PHF20: variants seen among roughly 807,000 people sequenced by gnomAD.
PHF20 encodes glioma-expressed antigen 2.
In PHF20, 23 loss-of-function variants were observed where a neutral mutation model predicts 113.5. The ratio of observed to expected loss-of-function variants is 0.20; its 90% confidence interval spans 0.15 to 0.29. PHF20 has a LOEUF of 0.29. PHF20 is among the 10% of genes least tolerant of loss of function. The pLI is 1.00. For synonymous variants in PHF20, 434 were observed against 457.3 expected, an observed-to-expected ratio of 0.95 and a Z score of 0.65; for missense variants, 943 against 1,219.6, an observed-to-expected ratio of 0.77 and a Z score of 3.38.
At chr20:35,806,214 G>A (rs901209909) in intron 2 of PHF20, among the ~76,000 whole-genome samples, 2 of 137,578 alleles carry the variant, frequency 1.5e-5, no homozygotes, top group African/African-American at 5.6e-5. Flanking sequence ...AGGCTGGGGT[G>A]TAGTGGTGCA....
intron 1 of PHF20, among the ~76,000 whole-genome samples, chr20:35,788,604 G>A (rs1180217954): frequency 6.6e-6 from 1 of 151,514 alleles, no homozygotes; most frequent in Non-Finnish European, 1.5e-5. Context: ...TTGAGACGTA[G>A]TCTCGCTCTG....
chr20:35,896,367 G>A (rs966150978), intron 9 of PHF20, among the ~76,000 whole-genome samples: 9 of 151,876 alleles, frequency 5.9e-5, no homozygotes, highest in Admixed American at 2.0e-4. Context: ...ATTGCATACC[G>A]AATTCCTAAT....
chr20:35,913,297 T>A lies in PHF20; in HGVS notation c.1610T>A (p.Val537Glu). Reference protein sequence around the residue: ...KNKEKKFKEFVRVKPKKKKKK... With the variant: ...KNKEKKFKEFERVKPKKKKKK... ...AAAGAGAAGAAATTCAAGGAGTTTGTGAGAGTGAAGCCAAAGAAGAAAAAG... is the reference window on the plus strand; with the variant it reads ...AAAGAGAAGAAATTCAAGGAGTTTGAGAGAGTGAAGCCAAAGAAGAAAAAG... Residue 537 changes from valine to glutamate, a missense_variant, in exon 11 of 18, where the codon GTG becomes GAG. Physicochemically the swap from Val to Glu is moderately radical, Grantham distance 121 (BLOSUM62 -2). Around this residue, in one of 3 missense-constraint regions of PHF20, gnomAD observed 592 missense variants for 787.2 expected, o/e 0.75. Coordinates refer to ENST00000374012, the MANE Select transcript of PHF20 (RefSeq NM_016436.5). 6.2e-7 allele frequency: 1 copy of A among 1,604,318 alleles called. No individual in the cohort carries two copies. The highest frequency in any genetic ancestry group is 8.5e-7 in the Non-Finnish European group (1 of 1,175,274).
intron 1 of PHF20, among the ~76,000 whole-genome samples, chr20:35,780,201 GC>G: frequency 6.7e-6 from 1 of 149,930 alleles, no homozygotes; most frequent in Non-Finnish European, 1.5e-5. Context: ...GAGGCACTTT[GC>G]CACCCTCACC....
At chr20:35,802,217 A>T (rs2041792673) in intron 2 of PHF20, among the ~76,000 whole-genome samples, 1 of 152,140 alleles carries the variant, frequency 6.6e-6, no homozygotes, top group Admixed American at 6.6e-5. Context: ...GAATCAAATG[A>T]TAGAATATGT....
chr20:35,917,289 T>A (rs768914607), intron 12 of PHF20, 195 bp from the exon 13 acceptor site: 31 of 686,330 alleles, frequency 4.5e-5, no homozygotes, highest in Non-Finnish European at 7.6e-5. Context: ...TTGAGTTCAC[T>A]GCCAGGCAGC....
chr20:35,913,450 G>T, intron 11 of PHF20, 103 bp downstream of exon 11: 1 of 787,996 alleles, frequency 1.3e-6, no homozygotes, highest in African/African-American at 1.7e-5. Context: ...AGCAGAGGAA[G>T]GACCAATAGT....
chr20:35,897,559 CTTTTTTTTTT>C (rs150122625), intron 9 of PHF20, among the ~76,000 whole-genome samples: 18 of 107,684 alleles, frequency 1.7e-4, no homozygotes, highest in African/African-American at 7.1e-4. Context: ...TTCTGGATCC[CTTTTTTTTTT>C]TTTTTTTTTT....
chr20:35,816,400 A>T (rs377203784), intron 2 of PHF20, among the ~76,000 whole-genome samples: 2 of 152,026 alleles, frequency 1.3e-5, no homozygotes, highest in Admixed American at 6.6e-5. Context: ...TGAAAAATGT[A>T]TATCTTACTC....
In PHF20 at chr20:35,858,282, G is replaced by T. The variant is rs764891087; in HGVS notation, c.341-20G>T. ...TCATGAAATTGTGAGTTAAAATCAT[G>T]ATATCTTCTTGAATTTTAGGTACTT... On this transcript the variant is annotated intron_variant, in intron 4 of 17. Coordinates refer to ENST00000374012, the MANE Select transcript of PHF20 (RefSeq NM_016436.5). The T allele has an allele frequency of 3.9e-6, 5 of 1,293,288 alleles. No individual in the cohort carries two copies. In the Admixed American group the frequency reaches 5.3e-5, roughly 14 times the overall value. The allele number at this position is 1,293,288 out of a possible 1,614,324, so 80.1% of individuals were successfully genotyped here.
chr20:35,805,360 A>G (rs943006148), intron 2 of PHF20, among the ~76,000 whole-genome samples: 15 of 121,432 alleles, frequency 1.2e-4, no homozygotes, highest in Non-Finnish European at 2.1e-4. Flanking sequence ...ATTTTTTATT[A>G]TTATTATTAT....
chr20:35,868,621 C>CA (rs1341610791), intron 6 of PHF20, among the ~76,000 whole-genome samples: 1 of 150,768 alleles, frequency 6.6e-6, no homozygotes, highest in Non-Finnish European at 1.5e-5. Flanking sequence ...AACAAGCAAG[C>CA]AAGCAAGCAA....
At chr20:35,895,497 A>G (rs1019189975) in intron 9 of PHF20, among the ~76,000 whole-genome samples, 2 of 152,156 alleles carry the variant, frequency 1.3e-5, no homozygotes, top group Non-Finnish European at 2.9e-5. Context: ...TGGCAAGTTT[A>G]TATGATTTAA....
At chr20:35,792,782 C>A (rs2041583143) in intron 1 of PHF20, among the ~76,000 whole-genome samples, 1 of 152,114 alleles carries the variant, frequency 6.6e-6, no homozygotes, top group South Asian at 2.1e-4. Context: ...CCACCATTGC[C>A]ATCACCAGTA....
chr20:35,818,851 T>C (rs2042120277), intron 2 of PHF20, among the ~76,000 whole-genome samples: 1 of 152,196 alleles, frequency 6.6e-6, no homozygotes, highest in South Asian at 2.1e-4. Context: ...TTCTAATTTT[T>C]AATCTACCAC....
At position 35,949,117 on chromosome 20, in the gene PHF20, G is replaced by A. The variant is rs2056134293; in HGVS notation, c.*1490G>A. On this transcript the variant is annotated 3_prime_UTR_variant, in exon 18 of 18. Coordinates refer to ENST00000374012, the MANE Select transcript of PHF20 (RefSeq NM_016436.5). The stretch of plus-strand genomic sequence containing the variant: ...TGATATATAATGAATTATAGGACAA[G>A]TATAAGCTGATCTGCTATAGCTGTC... 6.6e-6 allele frequency: 1 copy of A among 152,630 alleles called. No individual in the cohort carries two copies. Among genetic ancestry groups the A allele is most frequent in the East Asian group, 1.9e-4 (1 of 5,200 alleles). 9.5% of individuals were successfully genotyped at this position (152,630 alleles called of 1,614,324 possible). A position where few individuals can be genotyped will look rare whatever the true frequency, so the allele number is the denominator to read the frequency against.
Position 35,897,101 on chromosome 20 carries a change from A to G in PHF20, c.1283-2269A>G, listed in dbSNP as rs181947421. ...CAGGCTGGAGTGCAGTGGTACAGTC[A>G]TGGCTCACTGCAGCCTCAACCTGCT... On this transcript the variant is annotated intron_variant, in intron 9 of 17. Transcript: ENST00000374012. Among the ~76,000 whole-genome samples, 4 of 151,896 alleles carry G rather than the reference A, an allele frequency of 2.6e-5. No homozygotes were observed. In the East Asian group the frequency reaches 7.8e-4, roughly 30 times the overall value.
intron 1 of PHF20, among the ~76,000 whole-genome samples, chr20:35,800,634 G>T (rs572388392): frequency 2.0e-5 from 3 of 152,206 alleles, no homozygotes; most frequent in Non-Finnish European, 2.9e-5. Flanking sequence ...AGCTGGGTGT[G>T]GTGGCATGCG....
chr20:35,845,150 C>T (rs183177998), intron 3 of PHF20, among the ~76,000 whole-genome samples: 300 of 149,914 alleles, frequency 2.0e-3, no homozygotes, highest in African/African-American at 5.0e-3. Flanking sequence ...TGTAACATTT[C>T]GGGTCTGACT....
Sources: gnomAD v4.1 joint callset for allele counts (sites outside exome capture counted in the v4.1 genomes callset) on GRCh38, gnomAD v4.1.1 for gene constraint, gnomAD v4.1.1 regional missense constraint, MANE v1.5 for transcripts, NCBI Gene and HGNC (gene_info 2026-07-23, HGNC 2026-07-21) for gene names.